CDH23: variants seen among roughly 807,000 people sequenced by gnomAD.
The protein encoded by CDH23 is cadherin related 23.
CDH23 carries 189 observed loss-of-function variants against 317.1 expected under a neutral mutation model. That is an observed-to-expected ratio of 0.60 (90% confidence interval 0.53 to 0.67). The LOEUF (loss-of-function observed/expected upper bound fraction) is 0.67, where lower values mean the gene tolerates loss of function less well. Among genes scored for constraint, CDH23 ranks in the 30% least tolerant of loss-of-function variants. CDH23 has a pLI of 0.00. For synonymous variants in CDH23, 1,839 were observed against 1,876.8 expected (o/e 0.98, Z 0.52); for missense variants, 4,401 against 4,592.4 (o/e 0.96, Z 1.20).
chr10:71,456,209 A>G (rs927933548), intron 3 of CDH23, among the ~76,000 whole-genome samples: 1 of 150,408 alleles, frequency 6.6e-6, no homozygotes, highest in African/African-American at 2.5e-5. Context: ...GAGGTGATCT[A>G]GTATCCATCC....
chr10:71,629,208 A>G (rs1322363082), intron 11 of CDH23, among the ~76,000 whole-genome samples: 1 of 152,254 alleles, frequency 6.6e-6, no homozygotes, highest in Non-Finnish European at 1.5e-5. Context: ...CTAAGGTTCC[A>G]AGGATGGAAG....
chr10:71,732,548 C>T, intron 32 of CDH23, 173 bp downstream of exon 32: 2 of 1,319,356 alleles, frequency 1.5e-6, no homozygotes, highest in Non-Finnish European at 2.0e-6. Flanking sequence ...AGGAAGATTG[C>T]TTCAGCTCAG....
chr10:71,554,362 TA>T (rs1166152461), intron 6 of CDH23, among the ~76,000 whole-genome samples: 1 of 132,690 alleles, frequency 7.5e-6, no homozygotes, highest in East Asian at 2.9e-4. Flanking sequence ...CACACTGGAC[TA>T]ATTTTTTTTT....
chr10:71,507,564 A>G (rs1853714081), intron 3 of CDH23, among the ~76,000 whole-genome samples: 2 of 152,136 alleles, frequency 1.3e-5, no homozygotes, highest in African/African-American at 4.8e-5. Flanking sequence ...ATGGTGGCTG[A>G]TGCCTGTAAT....
At chr10:71,432,395 G>A (rs1386813646) in intron 1 of CDH23, among the ~76,000 whole-genome samples, 1 of 83,836 alleles carries the variant, frequency 1.2e-5, no homozygotes, top group African/African-American at 3.4e-5. Context: ...GAGTTGTGTG[G>A]TGTGTGTTTG....
chr10:71,521,310 C>G (rs114662391), intron 6 of CDH23, among the ~76,000 whole-genome samples: 310 of 152,306 alleles, frequency 2.0e-3, no homozygotes, highest in African/African-American at 7.2e-3. Flanking sequence ...GTCCCCTCTC[C>G]CAATCCTGCT....
Position 71,484,052 on chromosome 10 carries a change from G to A in CDH23, c.146-26030G>A, listed in dbSNP as rs35986557. On this transcript the variant is annotated intron_variant, in intron 3 of 69. Coordinates refer to ENST00000224721, the MANE Select transcript of CDH23 (RefSeq NM_022124.6). ...CCTCCCACCATTCCACACCTCCCAC[G>A]GCCACAGCGTGCAGCTGTGGTCCCA... 7.0e-3 allele frequency among the ~76,000 whole-genome samples: 1,064 copies of A among 152,266 alleles called. 3 individuals carry two copies. The highest frequency in any genetic ancestry group is 0.011 in the Non-Finnish European group (780 of 68,012).
chr10:71,640,617 G>A (rs758979919), intron 11 of CDH23, among the ~76,000 whole-genome samples: 6 of 152,252 alleles, frequency 3.9e-5, no homozygotes, highest in East Asian at 1.9e-4. Context: ...GCGTGGTGGC[G>A]CATGCCTGTA....
At position 71,529,619 on chromosome 10, in the gene CDH23, C is replaced by T. The variant is rs147305748; in HGVS notation, c.429+18407C>T. On this transcript the variant is annotated intron_variant, in intron 6 of 69. Transcript: ENST00000224721. ...ATGTTTCTGCATATCCCTATTCCTC[C>T]CTCCGTCACACACCCTTCCAATCTC... 9.5e-3 allele frequency among the ~76,000 whole-genome samples: 1,449 copies of T among 152,236 alleles called. 6 individuals carry two copies. Among genetic ancestry groups the T allele is most frequent in the Non-Finnish European group, 0.015 (1,036 of 68,008 alleles).
chr10:71,798,618 T>C (rs757543421), intron 50 of CDH23, 40 bp downstream of exon 50: 75 of 1,479,826 alleles, frequency 5.1e-5, no homozygotes, highest in Non-Finnish European at 6.2e-5. Flanking sequence ...GGGGGACATA[T>C]ATCTCTGCTT....
intron 18 of CDH23, among the ~76,000 whole-genome samples, chr10:71,684,402 A>G (rs1864787640): frequency 6.6e-6 from 1 of 152,168 alleles, no homozygotes; most frequent in Admixed American, 6.5e-5. Context: ...GGCCCCCAGT[A>G]GGACAGGAAG....
chr10:71,530,915 G>T (rs1039314398), intron 6 of CDH23, among the ~76,000 whole-genome samples: 3 of 152,222 alleles, frequency 2.0e-5, no homozygotes, highest in Non-Finnish European at 2.9e-5. Context: ...TGACTGCCCT[G>T]GGTTACACAG....
intron 6 of CDH23, among the ~76,000 whole-genome samples, chr10:71,522,191 A>T (rs10740383): frequency 0.29 from 43,966 of 151,438 alleles, 7,134 homozygotes; most frequent in East Asian, 0.51. Flanking sequence ...GGAGAAGCAA[A>T]CACTCATAAA....
chr10:71,479,168 G>A (rs1354496134), intron 3 of CDH23, among the ~76,000 whole-genome samples: 1 of 152,180 alleles, frequency 6.6e-6, no homozygotes, highest in Non-Finnish European at 1.5e-5. Flanking sequence ...GGTAATTAAA[G>A]GAGGCAGGAT....
At chr10:71,501,643 G>A (rs1180943373) in intron 3 of CDH23, among the ~76,000 whole-genome samples, 2 of 152,184 alleles carry the variant, frequency 1.3e-5, no homozygotes, top group African/African-American at 4.8e-5. Context: ...GAGACTGAAG[G>A]CAGAAGGGTG....
Position 71,677,481 on chromosome 10 carries a change from CTCA to C in CDH23, c.1545_1547del (p.Ile515del), listed in dbSNP as rs727502922. The C allele has an allele frequency of 6.8e-6, 11 of 1,610,678 alleles. No individual in the cohort carries two copies. The highest frequency in any genetic ancestry group is 9.3e-6 in the Non-Finnish European group (11 of 1,178,718). On this transcript the variant is annotated inframe_deletion, in exon 16 of 70. Coordinates refer to ENST00000224721, the MANE Select transcript of CDH23 (RefSeq NM_022124.6). ...GTTCTCGCTGGACAAGGACACGGGACTCATCATGCTGATTGCCAGGCTGGACTA... is the reference window on the plus strand; with the variant it reads ...GTTCTCGCTGGACAAGGACACGGGACTCATGCTGATTGCCAGGCTGGACTA...
intron 3 of CDH23, among the ~76,000 whole-genome samples, chr10:71,480,476 G>C (rs1852009732): frequency 6.6e-6 from 1 of 152,224 alleles, no homozygotes; most frequent in Non-Finnish European, 1.5e-5. Flanking sequence ...CTGCTCTGAA[G>C]GCCTGCTGGA....
At chr10:71,610,712 CG>C (rs1472767750) in intron 9 of CDH23, among the ~76,000 whole-genome samples, 5 of 150,620 alleles carry the variant, frequency 3.3e-5, no homozygotes, top group African/African-American at 1.2e-4. Context: ...CCCCACCCCC[CG>C]ACCCCTGCCC....
chr10:71,541,855 TTTGAA>T (rs1856006735), intron 6 of CDH23, among the ~76,000 whole-genome samples: 1 of 152,230 alleles, frequency 6.6e-6, no homozygotes, highest in African/African-American at 2.4e-5. Flanking sequence ...GATGCTGAGA[TTTGAA>T]TTTTATATAA....
Sources: allele counts gnomAD v4.1 joint callset (sites outside exome capture counted in the v4.1 genomes callset), GRCh38; gene constraint gnomAD v4.1.1; transcripts MANE v1.5; gene names NCBI Gene and HGNC (gene_info 2026-07-23, HGNC 2026-07-21).